Variants in FBXO10 observed in about 807,000 individuals in gnomAD.
FBXO10 encodes F-box only protein 10.
A neutral mutation model predicts 80.7 loss-of-function variants in FBXO10; 39 were observed. That is an observed-to-expected ratio of 0.48 (90% CI 0.37 to 0.63). The LOEUF (loss-of-function observed/expected upper bound fraction) is 0.63, where lower values mean the gene tolerates loss of function less well. Ranked by LOEUF, FBXO10 falls within the 30% of genes least tolerant of loss-of-function variation. The pLI, the probability that FBXO10 is intolerant of heterozygous loss-of-function variation, is 0.00. For synonymous variants in FBXO10, 449 were observed against 489.6 expected (o/e 0.92, Z 1.09); for missense variants, 1,025 against 1,269.0 (o/e 0.81, Z 2.92).
At chr9:37,531,317 T>C (rs556071469) in intron 4 of FBXO10, among the ~76,000 whole-genome samples, 1 of 152,160 alleles carries the variant, frequency 6.6e-6, no homozygotes, top group South Asian at 2.1e-4. Flanking sequence ...TAAATCTGTG[T>C]AAAAACAAAA....
chr9:37,543,039 C>A (rs1047641532), intron 1 of FBXO10, among the ~76,000 whole-genome samples: 3 of 152,168 alleles, frequency 2.0e-5, no homozygotes, highest in African/African-American at 7.2e-5. Context: ...TGCTTGTTCC[C>A]AGATCAAGTA....
intron 1 of FBXO10, among the ~76,000 whole-genome samples, chr9:37,563,929 A>G (rs1268228275): frequency 6.6e-6 from 1 of 152,244 alleles, no homozygotes; most frequent in African/African-American, 2.4e-5. Context: ...GTTAATCACC[A>G]AGATAATGTG....
At chr9:37,538,687 G>A (rs1187152437) in intron 2 of FBXO10, among the ~76,000 whole-genome samples, 3 of 136,616 alleles carry the variant, frequency 2.2e-5, no homozygotes, top group African/African-American at 5.9e-5. Context: ...CAGCCTGGGC[G>A]AAAGAGCAAG....
chr9:37,564,016 A>G (rs1233588294), intron 1 of FBXO10, among the ~76,000 whole-genome samples: 1 of 152,158 alleles, frequency 6.6e-6, no homozygotes, highest in Non-Finnish European at 1.5e-5. Context: ...GGAGGGAAAA[A>G]TGGTTCCATG....
chr9:37,537,158 G>A lies in FBXO10; in HGVS notation c.1371C>T (p.Asn457=), dbSNP rs774321307. The A allele has an allele frequency of 5.0e-6, 8 of 1,613,928 alleles. 1 individual carries two copies. The South Asian group carries it at 7.7e-5, about 16-fold the overall frequency. Residue 457 remains asparagine (N), a synonymous_variant, in exon 3 of 11, where the codon AAC becomes AAT. Transcript: ENST00000432825. The part of the protein sequence containing the change: ...CSHGRAKMEG[N]IFRNLTYAVR... ...CTGCGTAAGTCAGGTTCCGGAAGAT[G>A]TTTCCTTCCATCTTGGCTCTGCCGT...
chr9:37,562,457 A>C (rs1328637571), intron 1 of FBXO10, among the ~76,000 whole-genome samples: 1 of 152,204 alleles, frequency 6.6e-6, no homozygotes, highest in African/African-American at 2.4e-5. Context: ...GTGGACCCAG[A>C]GCGCCAGGTG....
At chr9:37,561,159 CAAAACAAAAT>C (rs1359167010) in intron 1 of FBXO10, among the ~76,000 whole-genome samples, 6 of 142,108 alleles carry the variant, frequency 4.2e-5, no homozygotes, top group Non-Finnish European at 9.1e-5. Flanking sequence ...CAAAACAAAA[CAAAACAAAAT>C]CAACTTTTTT....
chr9:37,544,024 T>A (rs187509574), intron 1 of FBXO10, among the ~76,000 whole-genome samples: 27 of 152,274 alleles, frequency 1.8e-4, no homozygotes, highest in Non-Finnish European at 3.7e-4. Flanking sequence ...CCCAGCACTT[T>A]GGGATGCCGA....
chr9:37,563,904 C>T (rs532021372), intron 1 of FBXO10, among the ~76,000 whole-genome samples: 2 of 152,344 alleles, frequency 1.3e-5, no homozygotes, highest in East Asian at 3.9e-4. Context: ...GAAATTTGCA[C>T]AAGTAATGAG....
intron 1 of FBXO10, 30 bp from the exon 2 acceptor site, chr9:37,541,804 T>C (rs770134337): frequency 6.6e-7 from 1 of 1,513,968 alleles, no homozygotes; most frequent in Non-Finnish European, 8.9e-7. Context: ...CAAAAGAGAT[T>C]TCTGTCTATC....
intron 6 of FBXO10, among the ~76,000 whole-genome samples, chr9:37,524,403 T>G (rs906379621): frequency 1.3e-5 from 2 of 152,230 alleles, no homozygotes; most frequent in African/African-American, 4.8e-5. Flanking sequence ...ACTGCTGCAC[T>G]TGTAGCTCCT....
intron 1 of FBXO10, among the ~76,000 whole-genome samples, chr9:37,553,936 A>AAGAAAG (rs1273193391): frequency 6.7e-6 from 1 of 148,888 alleles, no homozygotes; most frequent in African/African-American, 2.6e-5. Flanking sequence ...AAAAAAAAAA[A>AAGAAAG]AAAGAAAGAA....
intron 1 of FBXO10, among the ~76,000 whole-genome samples, chr9:37,569,246 G>A (rs1157441087): frequency 2.1e-5 from 3 of 144,630 alleles, no homozygotes; most frequent in Non-Finnish European, 3.1e-5. Flanking sequence ...TACACTATCA[G>A]GTAAAGTATA....
At chr9:37,513,389 G>A (rs1194274779) in intron 10 of FBXO10, among the ~76,000 whole-genome samples, 19 of 152,044 alleles carry the variant, frequency 1.2e-4, no homozygotes, top group African/African-American at 4.1e-4. Context: ...ACCTAAATAC[G>A]CTTCAGCTGA....
intron 10 of FBXO10, chr9:37,515,638 A>G: frequency 2.8e-6 from 1 of 356,120 alleles, no homozygotes; most frequent in Non-Finnish European, 5.0e-6. Context: ...ATGTGAAGTA[A>G]GTTGCCCAAG....
At chr9:37,535,361 T>TA (rs912764023) in intron 3 of FBXO10, among the ~76,000 whole-genome samples, 23 of 150,100 alleles carry the variant, frequency 1.5e-4, no homozygotes, top group African/African-American at 5.6e-4. Flanking sequence ...TTTTATTTTT[T>TA]TTTTGGAGAC....
At chr9:37,562,869 A>G (rs1423626828) in intron 1 of FBXO10, among the ~76,000 whole-genome samples, 1 of 152,224 alleles carries the variant, frequency 6.6e-6, no homozygotes, top group Non-Finnish European at 1.5e-5. Flanking sequence ...CAAGTCTGGC[A>G]GAACAAAGAT....
At chr9:37,553,122 A>C (rs898276192) in intron 1 of FBXO10, among the ~76,000 whole-genome samples, 17 of 151,428 alleles carry the variant, frequency 1.1e-4, no homozygotes, top group African/African-American at 3.4e-4. Flanking sequence ...GCTCACTGCA[A>C]CCTCTGCCTC....
Position 37,522,815 on chromosome 9 carries a change from A to G in FBXO10, c.1930+10T>C, listed in dbSNP as rs12343402. ...TGCCTCCCCGGCTGGGTTGGGAACA[A>G]GCTCCTCACCGTAGATGGTATTTCC... On this transcript the variant is annotated intron_variant, in intron 7 of 10. Transcript: ENST00000432825. 0.03 allele frequency: 47,287 copies of G among 1,551,496 alleles called. 5,304 individuals are homozygous for G. The African/African-American group carries it at 0.36, about 12-fold the overall frequency.
Sources: allele counts gnomAD v4.1 joint callset (sites outside exome capture counted in the v4.1 genomes callset), GRCh38; gene constraint gnomAD v4.1.1; transcripts MANE v1.5; gene names NCBI Gene and HGNC (gene_info 2026-07-23, HGNC 2026-07-21).